INPP5A: variants seen among roughly 807,000 people sequenced by gnomAD.
INPP5A encodes inositol polyphosphate-5-phosphatase A.
Under a neutral mutation model 65.2 loss-of-function variants are expected in INPP5A, and 14 were observed. The ratio of observed to expected loss-of-function variants is 0.21; its 90% CI spans 0.14 to 0.34. The LOEUF is 0.34. Among genes scored for constraint, INPP5A ranks in the 10% least tolerant of loss-of-function variants. INPP5A has a pLI of 1.00. For missense variants in INPP5A, 431 were observed against 545.6 expected, an observed-to-expected ratio of 0.79 and a Z score of 2.09; for synonymous variants, 207 against 208.3, an observed-to-expected ratio of 0.99 and a Z score of 0.05.
At chr10:132,573,360 A>C (rs1484611443) in intron 1 of INPP5A, among the ~76,000 whole-genome samples, 1 of 27,148 alleles carries the variant, frequency 3.7e-5, no homozygotes, top group Non-Finnish European at 7.0e-5. Flanking sequence ...GTTGATGTTG[A>C]GGTGTGTGTG....
At chr10:132,717,483 C>A (rs1845761292) in intron 8 of INPP5A, among the ~76,000 whole-genome samples, 1 of 151,612 alleles carries the variant, frequency 6.6e-6, no homozygotes, top group South Asian at 2.1e-4. Flanking sequence ...TGCTTCAGAA[C>A]ATCCCGCCAT....
At chr10:132,634,333 TTGG>T (rs1340894471) in intron 2 of INPP5A, among the ~76,000 whole-genome samples, 32 of 146,176 alleles carry the variant, frequency 2.2e-4, no homozygotes, top group African/African-American at 8.3e-4. Context: ...ATCATCTCCC[TTGG>T]TGGGTGTGCC....
intron 12 of INPP5A, among the ~76,000 whole-genome samples, chr10:132,776,310 A>G (rs1399022997): frequency 2.0e-5 from 3 of 152,038 alleles, no homozygotes; most frequent in Admixed American, 1.3e-4. Flanking sequence ...CTCCCGCTGG[A>G]GCGCGCGGAG....
intron 2 of INPP5A, among the ~76,000 whole-genome samples, chr10:132,638,611 A>G (rs1490959670): frequency 6.6e-6 from 1 of 152,234 alleles, no homozygotes; most frequent in Non-Finnish European, 1.5e-5. Context: ...TCTGTCACCC[A>G]GGCTGGAGTG....
intron 5 of INPP5A, among the ~76,000 whole-genome samples, chr10:132,691,819 C>T (rs1049813023): frequency 2.7e-5 from 4 of 147,110 alleles, no homozygotes; most frequent in Non-Finnish European, 6.2e-5. Context: ...CGTGCGGTCG[C>T]GGGAGACGTG....
chr10:132,594,331 G>T (rs1264933333), intron 1 of INPP5A, among the ~76,000 whole-genome samples: 1 of 152,234 alleles, frequency 6.6e-6, no homozygotes, highest in African/African-American at 2.4e-5. Context: ...TTAAAGGACA[G>T]ACGTGGCTAG....
intron 2 of INPP5A, among the ~76,000 whole-genome samples, chr10:132,609,141 C>T (rs1439640371): frequency 6.6e-6 from 1 of 152,230 alleles, no homozygotes; most frequent in Non-Finnish European, 1.5e-5. Flanking sequence ...CTACAGGGAC[C>T]TGATAAATCT....
chr10:132,759,941 A>T (rs1426086970), intron 11 of INPP5A, among the ~76,000 whole-genome samples: 1 of 152,118 alleles, frequency 6.6e-6, no homozygotes, highest in Non-Finnish European at 1.5e-5. Flanking sequence ...ACACTCACTC[A>T]GGGCTGCGGC....
In INPP5A at chr10:132,705,361, C is replaced by G. The variant is rs1486886583; in HGVS notation, c.475-2952C>G. Among the ~76,000 whole-genome samples the G allele has an allele frequency of 1.3e-5, 2 of 152,260 alleles. No homozygotes were observed. Among genetic ancestry groups the G allele is most frequent in the African/African-American group, 4.8e-5 (2 of 41,474 alleles). Reference sequence around the variant, plus strand: ...GCTCCCTGGGTCGTCTGGGCATGGCCCCATGCAGCAGCCAGACCAGTAGCC... The same window carrying G: ...GCTCCCTGGGTCGTCTGGGCATGGCGCCATGCAGCAGCCAGACCAGTAGCC... On this transcript the variant is annotated intron_variant, in intron 6 of 15. Coordinates refer to ENST00000368594, the MANE Select transcript of INPP5A (RefSeq NM_005539.5). This position sits in a 1 kb window ranked among gnomAD's most constrained non-coding sequence, Gnocchi z 4.9.
chr10:132,539,498 C>T (rs886814402), intron 1 of INPP5A, among the ~76,000 whole-genome samples: 1 of 152,220 alleles, frequency 6.6e-6, no homozygotes, highest in Admixed American at 6.5e-5. Context: ...GTGCCCCCAT[C>T]TCTGGAGAGA....
intron 9 of INPP5A, among the ~76,000 whole-genome samples, chr10:132,748,345 C>T (rs1215839973): frequency 5.3e-5 from 8 of 152,214 alleles, no homozygotes; most frequent in Non-Finnish European, 1.2e-4. Flanking sequence ...GTGCCTCTGC[C>T]CGCCATGAGC....
rs192489755 is a variant in INPP5A at position 132,725,100 on chromosome 10, A to G, written c.648-1721A>G. 5.3e-5 allele frequency among the ~76,000 whole-genome samples: 8 copies of G among 152,340 alleles called. No individual in the cohort carries two copies. The East Asian group carries it at 1.5e-3, about 29-fold the overall frequency. On this transcript the variant is annotated intron_variant, in intron 8 of 15. Transcript: ENST00000368594. ...CAGAACTCACAGGGAGGCCCCTGGA[A>G]TCAAAGAGAAAAGGCCAGGAACCAA...
chr10:132,724,312 G>A (rs1194224549), intron 8 of INPP5A, among the ~76,000 whole-genome samples: 1 of 152,186 alleles, frequency 6.6e-6, no homozygotes, highest in Non-Finnish European at 1.5e-5. Flanking sequence ...TTGGGAAATC[G>A]ATGAACTTAG....
chr10:132,694,961 G>A (rs957430041), intron 5 of INPP5A, among the ~76,000 whole-genome samples: 3 of 152,112 alleles, frequency 2.0e-5, no homozygotes, highest in African/African-American at 7.2e-5. Context: ...AAGCATTTAA[G>A]GAAGACGTTA....
intron 12 of INPP5A, among the ~76,000 whole-genome samples, chr10:132,775,821 G>A (rs1206320455): frequency 3.3e-5 from 5 of 152,310 alleles, no homozygotes; most frequent in African/African-American, 4.8e-5. Context: ...TTCCTGCCAC[G>A]CCCTGGCTTC....
intron 1 of INPP5A, among the ~76,000 whole-genome samples, chr10:132,592,147 T>C (rs751005700): frequency 3.0e-4 from 46 of 151,852 alleles, no homozygotes; most frequent in Non-Finnish European, 6.2e-4. Context: ...AATTATTGAA[T>C]AAAATACAGA....
Position 132,741,185 on chromosome 10 carries a change from A to G in INPP5A, c.733-8332A>G, listed in dbSNP as rs915912555. 2.6e-5 allele frequency among the ~76,000 whole-genome samples: 4 copies of G among 152,194 alleles called. No homozygotes were observed. Among genetic ancestry groups the G allele is most frequent in the African/African-American group, 7.2e-5 (3 of 41,454 alleles). ...AGGTCGAGGCTGCAGTGAGCCAGCC[A>G]TGATCACATCACTGCACTCCATCCT... On this transcript the variant is annotated intron_variant, in intron 9 of 15. Transcript: ENST00000368594. This position sits in a 1 kb window ranked among gnomAD's most constrained non-coding sequence, Gnocchi z 4.4.
At position 132,555,192 on chromosome 10, in the gene INPP5A, C is replaced by T. The variant is rs370760822; in HGVS notation, c.75+17021C>T. Among the ~76,000 whole-genome samples, 1 of 151,784 alleles carries T rather than the reference C, an allele frequency of 6.6e-6. No homozygotes were observed. Among genetic ancestry groups the T allele is most frequent in the Non-Finnish European group, 1.5e-5 (1 of 67,922 alleles). On this transcript the variant is annotated intron_variant, in intron 1 of 15. Transcript: ENST00000368594. This position sits in a 1 kb window ranked among gnomAD's most constrained non-coding sequence, Gnocchi z 4.4. ...GGGGTGGGGGGGTGTGGATGGCAAG[C>T]GGCAGGACCAGGTGCTGCAGGCTGG...
intron 4 of INPP5A, among the ~76,000 whole-genome samples, chr10:132,679,268 C>T (rs546257582): frequency 7.9e-5 from 12 of 152,284 alleles, no homozygotes; most frequent in African/African-American, 2.6e-4. Context: ...GGACAAGATG[C>T]TGGAGGAATC....
Sources: allele counts gnomAD v4.1 joint callset (sites outside exome capture counted in the v4.1 genomes callset), GRCh38; gene constraint gnomAD v4.1.1; non-coding constraint Gnocchi (gnomAD v3.1); transcripts MANE v1.5; gene names NCBI Gene and HGNC (gene_info 2026-07-23, HGNC 2026-07-21).